The following TENM4 variants were observed in gnomAD, a reference collection of about 807,000 sequenced individuals.
TENM4 encodes the protein teneurin transmembrane protein 4.
TENM4 carries 82 observed loss-of-function variants against 243.3 expected under a neutral mutation model. That is an observed-to-expected ratio of 0.34 (90% CI 0.28 to 0.40). The LOEUF is 0.40. TENM4 is among the 10% of genes least tolerant of loss of function. TENM4 has a pLI of 1.00. For synonymous variants in TENM4, 1,412 were observed against 1,456.3 expected (o/e 0.97, Z 0.69); for missense variants, 3,138 against 3,673.3 (o/e 0.85, Z 3.77).
At chr11:79,232,991 G>A (rs17137909) in intron 2 of TENM4, among the ~76,000 whole-genome samples, 1 of 152,048 alleles carries the variant, frequency 6.6e-6, no homozygotes, top group African/African-American at 2.4e-5. Flanking sequence ...TCTCTGCCTT[G>A]CCAGGAACCA....
Position 79,321,640 on chromosome 11 carries a change from C to CAAAA in TENM4, c.-320-24101_-320-24098dup, listed in dbSNP as rs60886884. ...ACTTTCTGCACAAGCAGGAAATTAC[C>CAAAA]AAAAAAAAAAAAAAAAAAAAAAAAG... On this transcript the variant is annotated intron_variant, in intron 1 of 33. Transcript: ENST00000278550. 1.9e-3 allele frequency among the ~76,000 whole-genome samples: 154 copies of CAAAA among 82,214 alleles called. 2 individuals carry two copies. Among genetic ancestry groups the CAAAA allele is most frequent in the South Asian group, 9.4e-3 (19 of 2,028 alleles). The allele number at this position is 82,214 out of a possible 152,430, so 53.9% of individuals were successfully genotyped here.
intron 6 of TENM4, among the ~76,000 whole-genome samples, chr11:78,982,065 T>G (rs1406919742): frequency 3.3e-5 from 5 of 152,168 alleles, no homozygotes; most frequent in Non-Finnish European, 7.3e-5. Flanking sequence ...CTGAGGCTTT[T>G]GCTTCTTCAA....
chr11:78,675,271 T>C (rs924659146), intron 30 of TENM4, among the ~76,000 whole-genome samples: 2 of 148,508 alleles, frequency 1.3e-5, no homozygotes, highest in Admixed American at 1.3e-4. Flanking sequence ...TTCAGTGAAC[T>C]TTCTTTGCTG....
intron 3 of TENM4, among the ~76,000 whole-genome samples, chr11:79,211,198 G>A (rs529136931): frequency 6.6e-6 from 1 of 152,290 alleles, no homozygotes; most frequent in East Asian, 1.9e-4. Context: ...AACAGACTAA[G>A]TTGGGAAAAG....
At chr11:78,974,171 C>T (rs1402840984) in intron 6 of TENM4, among the ~76,000 whole-genome samples, 1 of 152,208 alleles carries the variant, frequency 6.6e-6, no homozygotes, top group Non-Finnish European at 1.5e-5. Context: ...CTGGTTTATT[C>T]ATATGGCCAC....
At chr11:79,190,066 C>T (rs1863449642) in intron 3 of TENM4, among the ~76,000 whole-genome samples, 1 of 152,214 alleles carries the variant, frequency 6.6e-6, no homozygotes, top group Admixed American at 6.5e-5. Context: ...GTGAATCTCT[C>T]CCTTCTCTGT....
chr11:78,797,512 G>A (rs766831362), intron 15 of TENM4, among the ~76,000 whole-genome samples: 3 of 152,168 alleles, frequency 2.0e-5, no homozygotes, highest in Non-Finnish European at 2.9e-5. Flanking sequence ...GATAGAAAAC[G>A]TTCCAGGGCT....
chr11:78,797,868 T>C (rs1442119749), intron 15 of TENM4, among the ~76,000 whole-genome samples: 1 of 152,236 alleles, frequency 6.6e-6, no homozygotes, highest in Non-Finnish European at 1.5e-5. Context: ...GATTCTAACC[T>C]TGAGTTTCCC....
intron 1 of TENM4, among the ~76,000 whole-genome samples, chr11:79,340,968 G>A (rs1388348215): frequency 2.0e-5 from 3 of 152,206 alleles, no homozygotes; most frequent in African/African-American, 4.8e-5. Context: ...TGGGCCCAGT[G>A]TAATTACAAG....
At chr11:79,085,023 ATTTC>A (rs906089531) in intron 4 of TENM4, among the ~76,000 whole-genome samples, 14 of 152,128 alleles carry the variant, frequency 9.2e-5, no homozygotes, top group African/African-American at 1.4e-4. Context: ...ATCTCTTGTT[ATTTC>A]TTATAATTGC....
At chr11:79,336,443 G>A (rs750507035) in intron 1 of TENM4, among the ~76,000 whole-genome samples, 1 of 152,146 alleles carries the variant, frequency 6.6e-6, no homozygotes, top group Non-Finnish European at 1.5e-5. Flanking sequence ...AGAGGAAAAA[G>A]GGTCTGTTAT....
intron 14 of TENM4, among the ~76,000 whole-genome samples, chr11:78,806,134 A>T (rs536539865): frequency 6.2e-4 from 94 of 152,064 alleles, no homozygotes; most frequent in African/African-American, 2.2e-3. Context: ...TACAAAAAAT[A>T]AAAAAATGAA....
chr11:79,362,643 C>A (rs1216307418), intron 1 of TENM4, among the ~76,000 whole-genome samples: 1 of 152,186 alleles, frequency 6.6e-6, no homozygotes, highest in Non-Finnish European at 1.5e-5. Context: ...GGAGACAGTA[C>A]AGCGCAGAGG....
intron 10 of TENM4, 44 bp from the exon 11 acceptor site, chr11:78,856,222 C>T: frequency 1.3e-6 from 2 of 1,526,166 alleles, no homozygotes; most frequent in Non-Finnish European, 1.8e-6. Flanking sequence ...TCTCGGTTAG[C>T]CACATGGGAA....
intron 1 of TENM4, among the ~76,000 whole-genome samples, chr11:79,349,865 G>A (rs959883608): frequency 4.6e-5 from 7 of 152,140 alleles, no homozygotes; most frequent in African/African-American, 1.7e-4. Context: ...TAGATAGTAG[G>A]GCCTAGAGGA....
At chr11:79,149,055 A>G (rs1329412151) in intron 3 of TENM4, among the ~76,000 whole-genome samples, 1 of 152,180 alleles carries the variant, frequency 6.6e-6, no homozygotes, top group Non-Finnish European at 1.5e-5. Flanking sequence ...TTGATGGACA[A>G]GTAAAAGGAT....
chr11:78,747,556 G>A (rs1393856640), intron 19 of TENM4, among the ~76,000 whole-genome samples: 2 of 152,136 alleles, frequency 1.3e-5, no homozygotes, highest in African/African-American at 4.8e-5. Flanking sequence ...GTGGTGGGAG[G>A]AGGAGATCCA....
In TENM4 at chr11:78,805,328, A is replaced by C. The variant is rs1384287952; in HGVS notation, c.2143T>G (p.Cys715Gly). 9.0e-7 allele frequency: 1 copy of C among 1,116,766 alleles called. No homozygotes were observed. Among genetic ancestry groups the C allele is most frequent in the Admixed American group, 3.1e-5 (1 of 32,598 alleles). 69.2% of individuals were successfully genotyped at this position (1,116,766 alleles called of 1,614,324 possible). Residue 715 changes from cysteine to glycine, a missense_variant, in exon 15 of 34, where the codon TGT (cysteine) becomes GGT (glycine). Coordinates refer to ENST00000278550, the MANE Select transcript of TENM4 (RefSeq NM_001098816.3). ...TCGTGTCCAGTCCAGCTTGGGTCAC[A>C]GCTGCAAAGCCCGGTGTCCGGGAGG... Reference protein sequence around the residue: ...TFLPDTGLCSCDPSWTGHDCS... With the variant: ...TFLPDTGLCSGDPSWTGHDCS...
chr11:79,239,864 G>A (rs192103449), intron 2 of TENM4, among the ~76,000 whole-genome samples: 1 of 152,266 alleles, frequency 6.6e-6, no homozygotes, highest in Admixed American at 6.5e-5. Flanking sequence ...GCAGAGCTAA[G>A]GGACCACGTG....
Sources: gnomAD v4.1 joint callset for allele counts (sites outside exome capture counted in the v4.1 genomes callset) on GRCh38, gnomAD v4.1.1 for gene constraint, MANE v1.5 for transcripts, NCBI Gene and HGNC (gene_info 2026-07-23, HGNC 2026-07-21) for gene names.